The following PSMD14 variants were observed in gnomAD, a reference collection of about 807,000 sequenced individuals.
PSMD14 encodes the protein proteasome 26S subunit, non-ATPase 14.
PSMD14 carries 7 observed loss-of-function variants against 41.2 expected under a neutral mutation model. That is an observed-to-expected ratio of 0.17 (90% confidence interval 0.10 to 0.32). PSMD14 has a LOEUF of 0.32. Among genes scored for constraint, PSMD14 ranks in the 10% least tolerant of loss-of-function variants. PSMD14 has a pLI of 1.00. For missense variants in PSMD14, 139 were observed against 375.6 expected (o/e 0.37, Z 5.21); for synonymous variants, 114 against 122.3 (o/e 0.93, Z 0.45).
At chr2:161,354,231 T>C (rs1162835209) in intron 3 of PSMD14, among the ~76,000 whole-genome samples, 1 of 152,110 alleles carries the variant, frequency 6.6e-6, no homozygotes, top group East Asian at 1.9e-4. Context: ...TGAATGATGC[T>C]GTGTGTATGT....
intron 10 of PSMD14, among the ~76,000 whole-genome samples, chr2:161,399,740 G>T (rs1251642230): frequency 6.6e-6 from 1 of 151,960 alleles, no homozygotes; most frequent in Non-Finnish European, 1.5e-5. Flanking sequence ...AAATAAAAAA[G>T]AATTTTTTTA....
intron 3 of PSMD14, among the ~76,000 whole-genome samples, chr2:161,356,530 A>G (rs1683200570): frequency 6.6e-6 from 1 of 152,100 alleles, no homozygotes; most frequent in Non-Finnish European, 1.5e-5. Flanking sequence ...GTTATATTAG[A>G]TACCATAAAA....
At chr2:161,322,081 A>C (rs984076062) in intron 3 of PSMD14, among the ~76,000 whole-genome samples, 1 of 152,124 alleles carries the variant, frequency 6.6e-6, no homozygotes, top group African/African-American at 2.4e-5. Context: ...TCTGCAAGCT[A>C]TCTAGGGGTG....
intron 3 of PSMD14, among the ~76,000 whole-genome samples, chr2:161,353,487 T>C (rs902634686): frequency 6.6e-6 from 1 of 152,200 alleles, no homozygotes; most frequent in African/African-American, 2.4e-5. Flanking sequence ...TAAAAAGCTT[T>C]GAGTGGTAAT....
At chr2:161,356,011 T>G (rs1417362770) in intron 3 of PSMD14, among the ~76,000 whole-genome samples, 2 of 152,170 alleles carry the variant, frequency 1.3e-5, no homozygotes, top group East Asian at 3.9e-4. Context: ...TCTTCTCTTC[T>G]GAATAATATA....
chr2:161,367,279 T>TTA (rs1199255555), intron 3 of PSMD14, among the ~76,000 whole-genome samples, 199 bp from the exon 4 acceptor site: 1 of 152,224 alleles, frequency 6.6e-6, no homozygotes, highest in Non-Finnish European at 1.5e-5. Flanking sequence ...GACCCTTGGC[T>TTA]TAGTATTAAG....
At chr2:161,323,457 G>T (rs1462182746) in intron 3 of PSMD14, among the ~76,000 whole-genome samples, 3 of 152,162 alleles carry the variant, frequency 2.0e-5, no homozygotes, top group Non-Finnish European at 4.4e-5. Flanking sequence ...AAGGCTAGGA[G>T]TTCAGGACCA....
intron 10 of PSMD14, among the ~76,000 whole-genome samples, chr2:161,401,411 A>G (rs1329236829): frequency 6.6e-6 from 1 of 152,144 alleles, no homozygotes; most frequent in African/African-American, 2.4e-5. Context: ...TGTACATCTC[A>G]TTTGACAGAA....
intron 1 of PSMD14, among the ~76,000 whole-genome samples, chr2:161,315,474 G>T (rs1366818689): frequency 6.6e-6 from 1 of 151,844 alleles, no homozygotes; most frequent in Non-Finnish European, 1.5e-5. Flanking sequence ...TGTGCTAAAT[G>T]AAAACTGAAA....
chr2:161,363,886 T>C (rs139543802), intron 3 of PSMD14, among the ~76,000 whole-genome samples: 119 of 152,300 alleles, frequency 7.8e-4, no homozygotes, highest in African/African-American at 2.7e-3. Context: ...GTGTGTGTTA[T>C]AGGGTGCTCT....
chr2:161,384,149 T>C (rs897372369), intron 7 of PSMD14: 1 of 151,692 alleles, frequency 6.6e-6, no homozygotes, highest in African/African-American at 2.4e-5. Context: ...GCAAGAGGAA[T>C]GAATCTTTGG....
In PSMD14 at chr2:161,339,754, G is replaced by A. The variant is rs1466639216; in HGVS notation, c.48+20881G>A. On this transcript the variant is annotated intron_variant, in intron 3 of 11. Transcript: ENST00000409682. ...TGGCTCTGTGTTGAAGGCAATGACT[G>A]TGTGGCTGTTGCCATGTGGCCTGTT... 9.2e-5 allele frequency among the ~76,000 whole-genome samples: 14 copies of A among 152,310 alleles called. No individual in the cohort carries two copies. The South Asian group carries it at 1.5e-3, about 16-fold the overall frequency.
intron 3 of PSMD14, among the ~76,000 whole-genome samples, chr2:161,359,779 G>A (rs536138005): frequency 9.2e-5 from 14 of 152,166 alleles, no homozygotes; most frequent in Non-Finnish European, 1.6e-4. Flanking sequence ...TAAGCTCCCA[G>A]AATAAAAGTA....
In PSMD14 at chr2:161,411,555, ATTAC is replaced by A. The variant is rs1389125579; in HGVS notation, c.*158_*161del. ...TAACACCTTCAGTCTCAGTTGTGCA[ATTAC>A]TTCTGTTTCTTTAGTCAGGGTCTTT... On this transcript the variant is annotated 3_prime_UTR_variant, in exon 12 of 12. Transcript: ENST00000409682. 34 of 415,556 alleles carry A rather than the reference ATTAC, an allele frequency of 8.2e-5. No individual in the cohort carries two copies. The South Asian group carries it at 2.4e-3, about 29-fold the overall frequency. The allele number at this position is 415,556 out of a possible 1,614,324, so 25.7% of individuals were successfully genotyped here.
intron 3 of PSMD14, among the ~76,000 whole-genome samples, chr2:161,353,222 C>T (rs1464642495): frequency 6.6e-6 from 1 of 152,070 alleles, no homozygotes; most frequent in African/African-American, 2.4e-5. Context: ...GTCATCTTAT[C>T]CTTCAAATAT....
intron 3 of PSMD14, among the ~76,000 whole-genome samples, chr2:161,352,581 T>C (rs1455084994): frequency 6.6e-6 from 1 of 152,210 alleles, no homozygotes; most frequent in Non-Finnish European, 1.5e-5. Context: ...TCTAACTGGT[T>C]TGTCATATAC....
chr2:161,311,619 C>A (rs1689088217), intron 1 of PSMD14, among the ~76,000 whole-genome samples: 1 of 140,296 alleles, frequency 7.1e-6, no homozygotes, highest in African/African-American at 2.6e-5. Context: ...TCTGTTCTCA[C>A]TCTTCCTTTT....
At chr2:161,355,642 C>T (rs1026049102) in intron 3 of PSMD14, among the ~76,000 whole-genome samples, 1 of 151,946 alleles carries the variant, frequency 6.6e-6, no homozygotes, top group Non-Finnish European at 1.5e-5. Flanking sequence ...TTTTTGGCAA[C>T]CAATCATCAG....
At chr2:161,319,158 A>C (rs184238749) in intron 3 of PSMD14, 18 of 294,236 alleles carry the variant, frequency 6.1e-5, no homozygotes, top group African/African-American at 1.5e-4. Context: ...GGAAAAAAAA[A>C]CCCTCAAAAT....
Sources: allele counts gnomAD v4.1 joint callset (sites outside exome capture counted in the v4.1 genomes callset), GRCh38; gene constraint gnomAD v4.1.1; transcripts MANE v1.5; gene names NCBI Gene and HGNC (gene_info 2026-07-23, HGNC 2026-07-21).